Variants in MBTD1 observed in about 807,000 individuals in gnomAD.
MBTD1 encodes the protein mbt domain containing 1, also known as MBT domain-containing protein 1.
Under a neutral mutation model 87.8 loss-of-function variants are expected in MBTD1, and 24 were observed. That is an observed-to-expected ratio of 0.27 (90% CI 0.20 to 0.38). The LOEUF is 0.38. Among genes scored for constraint, MBTD1 ranks in the 10% least tolerant of loss-of-function variants. The probability of loss-of-function intolerance (pLI) is 1.00; values close to 1 mark genes in which losing one functional copy is unlikely to be tolerated. For synonymous variants in MBTD1, 237 were observed against 248.6 expected, an observed-to-expected ratio of 0.95 and a Z score of 0.44; for missense variants, 436 against 760.2, an observed-to-expected ratio of 0.57 and a Z score of 5.02.
chr17:51,251,741 C>T (rs2144212298), intron 2 of MBTD1: 1 of 152,332 alleles, frequency 6.6e-6, no homozygotes, highest in African/African-American at 2.4e-5. Flanking sequence ...CTCTTAAACA[C>T]ATTTCGTCCT....
In MBTD1 at chr17:51,179,492, A is replaced by ATATATATATATATATTTATT. The variant is rs1568135612; in HGVS notation, c.*1083_*1084insAATAAATATATATATATATA. On this transcript the variant is annotated 3_prime_UTR_variant, in exon 17 of 17. Transcript: ENST00000586178. ...TACAATTAAAGACAATTTTATATAT[A>ATATATATATATATATTTATT]TATATATATATATATATATATATAT... is the stretch of plus-strand genomic sequence containing the variant. 1 of 30,972 alleles carries ATATATATATATATATTTATT rather than the reference A, an allele frequency of 3.2e-5. No individual in the cohort carries two copies. Among genetic ancestry groups the ATATATATATATATATTTATT allele is most frequent in the Non-Finnish European group, 6.6e-5 (1 of 15,042 alleles). 1.9% of individuals were successfully genotyped at this position (30,972 alleles called of 1,614,324 possible). A position where few individuals can be genotyped will look rare whatever the true frequency, so the allele number is the denominator to read the frequency against.
chr17:51,204,448 T>C (rs896235993), intron 7 of MBTD1, among the ~76,000 whole-genome samples: 1 of 147,516 alleles, frequency 6.8e-6, no homozygotes, highest in African/African-American at 2.5e-5. Flanking sequence ...TGTATAAGCA[T>C]ATAAACATAT....
At chr17:51,241,435 C>T (rs1266590902) in intron 2 of MBTD1, among the ~76,000 whole-genome samples, 1 of 152,174 alleles carries the variant, frequency 6.6e-6, no homozygotes, top group Non-Finnish European at 1.5e-5. Context: ...GATTCTTGCC[C>T]AGTCTCTCAC....
chr17:51,237,040 G>A (rs747898570), intron 2 of MBTD1, among the ~76,000 whole-genome samples: 17 of 152,104 alleles, frequency 1.1e-4, no homozygotes, highest in Non-Finnish European at 1.9e-4. Flanking sequence ...GCTCACGTCT[G>A]TAATCCCAGC....
At chr17:51,185,149 CAG>C (rs2050478741) in intron 16 of MBTD1, 3 of 152,176 alleles carry the variant, frequency 2.0e-5, no homozygotes, top group South Asian at 4.1e-4. Flanking sequence ...GAGAAGAAAA[CAG>C]AGCTAGGTAA....
chr17:51,258,915 CT>C (rs2055262547), intron 2 of MBTD1, among the ~76,000 whole-genome samples: 1 of 152,144 alleles, frequency 6.6e-6, no homozygotes, highest in Admixed American at 6.6e-5. Context: ...CCCTGCTGTT[CT>C]TTCTTGGCAC....
rs994655613 is a variant in MBTD1, at chr17:51,207,023, T to C, written c.487-18A>G. The C allele has an allele frequency of 8.0e-6, 11 of 1,375,408 alleles. No individual in the cohort carries two copies. Among genetic ancestry groups the C allele is most frequent in the Non-Finnish European group, 1.0e-5 (10 of 964,778 alleles). The allele number at this position is 1,375,408 out of a possible 1,614,324, so 85.2% of individuals were successfully genotyped here. ...ATAGGTGCCTGTCACATAAAAATCA[T>C]TAAATTATTGTCTTATTAACATAAA... On this transcript the variant is annotated intron_variant, in intron 6 of 16. Transcript: ENST00000586178.
rs1217014628 is a variant in MBTD1, at chr17:51,178,821, A to G, written c.*1755T>C. On this transcript the variant is annotated 3_prime_UTR_variant, in exon 17 of 17. Transcript: ENST00000586178. Reference sequence around the variant, plus strand: ...TGATGTGATCTGCATTTATGCCCCTAAAGAGTCAGTATTAAGAAATGGTGA... The same window carrying G: ...TGATGTGATCTGCATTTATGCCCCTGAAGAGTCAGTATTAAGAAATGGTGA... The G allele has an allele frequency of 6.6e-6, 1 of 152,176 alleles. No homozygotes were observed. Among genetic ancestry groups the G allele is most frequent in the African/African-American group, 2.4e-5 (1 of 41,462 alleles). 9.4% of individuals were successfully genotyped at this position (152,176 alleles called of 1,614,324 possible). A position where few individuals can be genotyped will look rare whatever the true frequency, so the allele number is the denominator to read the frequency against.
At chr17:51,214,453 A>C (rs1392065555) in intron 6 of MBTD1, among the ~76,000 whole-genome samples, 16 of 152,324 alleles carry the variant, frequency 1.1e-4, no homozygotes, top group Admixed American at 3.3e-4. Flanking sequence ...GCTTACAGAC[A>C]GACCATGGAA....
At chr17:51,247,294 C>G (rs1433443094) in intron 2 of MBTD1, among the ~76,000 whole-genome samples, 1 of 152,104 alleles carries the variant, frequency 6.6e-6, no homozygotes, top group Non-Finnish European at 1.5e-5. Flanking sequence ...CCTTGTATTC[C>G]TGGTATAAAA....
At chr17:51,217,925 C>A (rs549170933) in intron 5 of MBTD1, among the ~76,000 whole-genome samples, 91 of 152,220 alleles carry the variant, frequency 6.0e-4, no homozygotes, top group African/African-American at 2.1e-3. Context: ...CTATACATGA[C>A]ACATGCTCCT....
intron 2 of MBTD1, chr17:51,251,363 T>C (rs1037218725): frequency 3.9e-5 from 6 of 152,212 alleles, no homozygotes; most frequent in Non-Finnish European, 7.3e-5. Flanking sequence ...TTCACTGACA[T>C]GTCTCCAAGT....
chr17:51,236,990 T>A (rs1478411290), intron 2 of MBTD1, among the ~76,000 whole-genome samples: 3 of 151,636 alleles, frequency 2.0e-5, no homozygotes, highest in Admixed American at 2.0e-4. Context: ...ACAAAAAAAA[T>A]ATAACCCATA....
chr17:51,181,703 T>C (rs991741433), intron 16 of MBTD1, among the ~76,000 whole-genome samples: 4 of 152,070 alleles, frequency 2.6e-5, no homozygotes, highest in Admixed American at 2.6e-4. Context: ...CTGAGCCGAG[T>C]GTGGTGGCTA....
chr17:51,260,599 G>A (rs199741654), upstream of MBTD1: 120 of 1,612,524 alleles, frequency 7.4e-5, 1 homozygote, highest in Admixed American at 1.8e-3. Flanking sequence ...CGCCGGAGCG[G>A]AGGAGACGAA....
intron 1 of MBTD1, among the ~76,000 whole-genome samples, chr17:51,259,495 G>C (rs1393362678): frequency 1.3e-5 from 2 of 152,126 alleles, no homozygotes; most frequent in African/African-American, 4.8e-5. Flanking sequence ...ACCCTGGGTG[G>C]CTAAAAAAGG....
chr17:51,221,123 G>A (rs960919919), intron 3 of MBTD1, among the ~76,000 whole-genome samples: 5 of 151,984 alleles, frequency 3.3e-5, no homozygotes, highest in South Asian at 2.1e-4. Flanking sequence ...GCAAGATCCA[G>A]TATCTTCAAA....
In MBTD1 at chr17:51,179,508, A is replaced by ATATATATATATATATATATT. The variant is rs2050220491; in HGVS notation, c.*1067_*1068insAATATATATATATATATATA. On this transcript the variant is annotated 3_prime_UTR_variant, in exon 17 of 17. Transcript: ENST00000586178. Reference sequence around the variant, plus strand: ...TTTATATATATATATATATATATATATATATATATATATATATATATATAT... The same window carrying ATATATATATATATATATATT: ...TTTATATATATATATATATATATATATATATATATATATATATATTTATATATATATATATATATATATAT... 1 of 83,816 alleles carries ATATATATATATATATATATT rather than the reference A, an allele frequency of 1.2e-5. No homozygotes were observed. Among genetic ancestry groups the ATATATATATATATATATATT allele is most frequent in the African/African-American group, 4.4e-5 (1 of 22,488 alleles). 5.2% of individuals were successfully genotyped at this position (83,816 alleles called of 1,614,324 possible).
At chr17:51,202,213 T>C (rs1219393494) in intron 10 of MBTD1, 136 bp from the exon 11 acceptor site, 3 of 630,742 alleles carry the variant, frequency 4.8e-6, no homozygotes, top group Admixed American at 6.2e-5. Flanking sequence ...ACATTTGGGG[T>C]GAATATTCTT....
Sources: gnomAD v4.1 joint callset for allele counts (sites outside exome capture counted in the v4.1 genomes callset) on GRCh38, gnomAD v4.1.1 for gene constraint, MANE v1.5 for transcripts, NCBI Gene and HGNC (gene_info 2026-07-23, HGNC 2026-07-21) for gene names.